The following LTBP1 variants were observed in gnomAD, a reference collection of about 807,000 sequenced individuals.
LTBP1 encodes latent-transforming growth factor beta-binding protein 1.
Under a neutral mutation model 207.6 loss-of-function variants are expected in LTBP1, and 129 were observed. That is an observed-to-expected ratio of 0.62 (90% CI 0.54 to 0.72). The LOEUF (loss-of-function observed/expected upper bound fraction) is 0.72. Among genes scored for constraint, LTBP1 ranks in the 30% least tolerant of loss-of-function variants. The probability of loss-of-function intolerance (pLI) is 0.00; values close to 1 mark genes in which losing one functional copy is unlikely to be tolerated. For synonymous variants in LTBP1, 963 were observed against 833.7 expected, an observed-to-expected ratio of 1.16 and a Z score of -2.67; for missense variants, 2,281 against 2,217.2, an observed-to-expected ratio of 1.03 and a Z score of -0.58.
Position 32,959,597 on chromosome 2 carries a change from G to GTATGTGTATATATA in LTBP1, c.565+10655_565+10656insGTGTATATATATAT, listed in dbSNP as rs1553344613. ...TATGTATATGTATATATATGTACGT[G>GTATGTGTATATATA]TATATATATATATATATATATATAT... On this transcript the variant is annotated intron_variant, in intron 2 of 33. Transcript: ENST00000404816. 1.9e-4 allele frequency among the ~76,000 whole-genome samples: 11 copies of GTATGTGTATATATA among 58,326 alleles called. 1 individual carries two copies. Among genetic ancestry groups the GTATGTGTATATATA allele is most frequent in the Non-Finnish European group, 3.4e-4 (11 of 32,394 alleles). 38.3% of individuals were successfully genotyped at this position (58,326 alleles called of 152,430 possible). A position where few individuals can be genotyped will look rare whatever the true frequency, so the allele number is the denominator to read the frequency against.
intron 7 of LTBP1, among the ~76,000 whole-genome samples, chr2:33,206,167 A>G (rs1210237551): frequency 1.3e-5 from 2 of 152,192 alleles, no homozygotes; most frequent in Non-Finnish European, 2.9e-5. Flanking sequence ...TGGACAAGAC[A>G]GACATGGTTC....
Position 33,257,321 on chromosome 2 carries a change from T to C in LTBP1, c.2205T>C (p.Tyr735=), listed in dbSNP as rs2092890293. ...FKEICPGGMG[Y]TVSGVHRRRP... Reference sequence around the variant, plus strand: ...AAATCTGTCCTGGTGGAATGGGTTATACGGTTTCTGGCGTTCATAGACGCA... The same window carrying C: ...AAATCTGTCCTGGTGGAATGGGTTACACGGTTTCTGGCGTTCATAGACGCA... Residue 735 remains tyrosine, a synonymous_variant, in exon 12 of 34, where the codon TAT becomes TAC. Coordinates refer to ENST00000404816, the MANE Select transcript of LTBP1 (RefSeq NM_206943.4). 1 of 1,614,124 alleles carries C rather than the reference T, an allele frequency of 6.2e-7. No homozygotes were observed. Among genetic ancestry groups the C allele is most frequent in the Admixed American group, 1.7e-5 (1 of 60,008 alleles).
intron 15 of LTBP1, among the ~76,000 whole-genome samples, chr2:33,269,244 A>T (rs2093260664): frequency 6.6e-6 from 1 of 152,216 alleles, no homozygotes; most frequent in African/African-American, 2.4e-5. Context: ...AAAATACCAC[A>T]CTGTTAAATC....
chr2:33,294,601 C>A (rs1369934577), intron 20 of LTBP1, among the ~76,000 whole-genome samples: 3 of 120,094 alleles, frequency 2.5e-5, no homozygotes, highest in African/African-American at 6.6e-5. Context: ...TTTTTGGAGA[C>A]AGAGTCTTGC....
chr2:33,337,394 G>A (rs541356881), intron 24 of LTBP1, among the ~76,000 whole-genome samples: 18 of 152,216 alleles, frequency 1.2e-4, no homozygotes, highest in South Asian at 8.3e-4. Context: ...GGTAGTTCCC[G>A]TCACCCAGAA....
At chr2:33,063,504 G>A (rs1412310190) in intron 3 of LTBP1, among the ~76,000 whole-genome samples, 1 of 151,736 alleles carries the variant, frequency 6.6e-6, no homozygotes, top group Non-Finnish European at 1.5e-5. Flanking sequence ...TTAGGAAAAA[G>A]AAAAATTATT....
At chr2:33,385,414 T>A (rs543168084) in intron 31 of LTBP1, among the ~76,000 whole-genome samples, 50 of 152,378 alleles carry the variant, frequency 3.3e-4, no homozygotes, top group African/African-American at 1.2e-3. Flanking sequence ...AAAAAAAACT[T>A]CATTTATTTC....
intron 19 of LTBP1, among the ~76,000 whole-genome samples, chr2:33,281,629 A>G (rs937532158): frequency 3.3e-5 from 5 of 152,056 alleles, no homozygotes; most frequent in African/African-American, 1.2e-4. Context: ...ATCAGCTCAG[A>G]CTCTGTAGCT....
At chr2:33,297,210 G>A (rs914755662) in intron 20 of LTBP1, among the ~76,000 whole-genome samples, 3 of 152,010 alleles carry the variant, frequency 2.0e-5, no homozygotes, top group South Asian at 2.1e-4. Flanking sequence ...CCTCTACTCC[G>A]ATTCTAATGG....
chr2:33,320,963 T>C (rs1238886513), intron 24 of LTBP1, among the ~76,000 whole-genome samples: 1 of 152,220 alleles, frequency 6.6e-6, no homozygotes, highest in Admixed American at 6.5e-5. Context: ...GCATTACCTT[T>C]TTTTTATTGG....
At chr2:33,078,962 G>A (rs918975940) in intron 3 of LTBP1, among the ~76,000 whole-genome samples, 5 of 144,436 alleles carry the variant, frequency 3.5e-5, no homozygotes, top group East Asian at 2.2e-4. Flanking sequence ...TGCTTCAAGC[G>A]ATTCTCCTAC....
At chr2:33,353,181 G>T (rs2094806479) in intron 26 of LTBP1, among the ~76,000 whole-genome samples, 3 of 151,994 alleles carry the variant, frequency 2.0e-5, no homozygotes, top group African/African-American at 7.2e-5. Context: ...GTTTTGCCAT[G>T]TTGACCAGCC....
intron 24 of LTBP1, among the ~76,000 whole-genome samples, chr2:33,339,012 G>A (rs1264420367): frequency 2.6e-5 from 4 of 152,024 alleles, no homozygotes; most frequent in African/African-American, 7.2e-5. Context: ...TTTGCAGAGA[G>A]CACATTGGCA....
intron 3 of LTBP1, among the ~76,000 whole-genome samples, chr2:33,047,333 C>T (rs2076499491): frequency 6.6e-6 from 1 of 152,198 alleles, no homozygotes; most frequent in Non-Finnish European, 1.5e-5. Flanking sequence ...TCATTGGTTT[C>T]AAAGAACTTA....
At chr2:33,383,693 C>G (rs2095241079) in intron 31 of LTBP1, among the ~76,000 whole-genome samples, 1 of 151,970 alleles carries the variant, frequency 6.6e-6, no homozygotes, top group Non-Finnish European at 1.5e-5. Context: ...GCCGCTATGC[C>G]CAGCTAATTT....
At position 33,280,038 on chromosome 2, in the gene LTBP1, G is replaced by T. The variant is rs370614148; in HGVS notation, c.2993-1G>T. 1 of 1,612,790 alleles carries T rather than the reference G, an allele frequency of 6.2e-7. No homozygotes were observed. ...CACGACCTAGGTTTTTGATTTTTCA[G>T]ATATTGATGAATGTTTGAATCCAAG... On this transcript the variant is annotated splice_acceptor_variant, in intron 18 of 33. Coordinates refer to ENST00000404816, the MANE Select transcript of LTBP1 (RefSeq NM_206943.4). LOFTEE classifies it high-confidence loss of function.
chr2:33,182,731 CACACAGACATAT>C (rs1188197018), intron 5 of LTBP1, among the ~76,000 whole-genome samples: 9 of 100,436 alleles, frequency 9.0e-5, no homozygotes, highest in African/African-American at 2.9e-4. Flanking sequence ...CACACACACA[CACACAGACATAT>C]ATATGTATGT....
At chr2:33,279,255 A>G (rs1339565232) in intron 18 of LTBP1, among the ~76,000 whole-genome samples, 1 of 152,166 alleles carries the variant, frequency 6.6e-6, no homozygotes, top group Non-Finnish European at 1.5e-5. Flanking sequence ...ACTCTCTCTT[A>G]TATCTTTTTC....
chr2:33,094,394 G>T (rs1353289174), intron 3 of LTBP1, among the ~76,000 whole-genome samples: 1 of 152,100 alleles, frequency 6.6e-6, no homozygotes, highest in African/African-American at 2.4e-5. Flanking sequence ...ACTTGTTTCT[G>T]CCATTGTTGA....
Sources: gnomAD v4.1 joint callset for allele counts (sites outside exome capture counted in the v4.1 genomes callset) on GRCh38, gnomAD v4.1.1 for gene constraint, MANE v1.5 for transcripts, NCBI Gene and HGNC (gene_info 2026-07-23, HGNC 2026-07-21) for gene names.